TNRC6B: variants seen among roughly 807,000 people sequenced by gnomAD.
TNRC6B encodes the protein trinucleotide repeat-containing gene 6B protein.
In TNRC6B, 52 loss-of-function variants were observed where a neutral mutation model predicts 203.6. The observed-to-expected ratio is 0.26, with a 90% CI of 0.20 to 0.32. The LOEUF (loss-of-function observed/expected upper bound fraction) is 0.32, where lower values mean the gene tolerates loss of function less well. Ranked by LOEUF, TNRC6B falls within the 10% of genes least tolerant of loss-of-function variation. The pLI, the probability that TNRC6B is intolerant of heterozygous loss-of-function variation, is 1.00. For missense variants in TNRC6B, 1,923 were observed against 2,286.2 expected (o/e 0.84, Z 3.24); for synonymous variants, 838 against 845.7 (o/e 0.99, Z 0.16).
chr22:40,176,677 A>G (rs2069065031), upstream of TNRC6B, among the ~76,000 whole-genome samples: 1 of 152,100 alleles, frequency 6.6e-6, no homozygotes, highest in Non-Finnish European at 1.5e-5. Flanking sequence ...GTTTTTCCTT[A>G]TACAGTTTAC....
chr22:40,281,938 A>G (rs2070725689), intron 11 of TNRC6B, among the ~76,000 whole-genome samples: 1 of 152,132 alleles, frequency 6.6e-6, no homozygotes, highest in Admixed American at 6.5e-5. Context: ...ATGCCTCCTC[A>G]CCTTGCCAGG....
At chr22:40,232,388 C>T (rs891996535) in intron 1 of TNRC6B, among the ~76,000 whole-genome samples, 4 of 152,186 alleles carry the variant, frequency 2.6e-5, no homozygotes, top group Non-Finnish European at 1.5e-5. Context: ...AAAAGTGTTT[C>T]AGGGATGCAT....
At chr22:40,176,333 G>A (rs951933541), upstream of TNRC6B, among the ~76,000 whole-genome samples, 2 of 152,090 alleles carry the variant, frequency 1.3e-5, no homozygotes, top group Middle Eastern at 3.4e-3. Flanking sequence ...CTCCATGCTG[G>A]TCAGGCTGGT....
intron 12 of TNRC6B, among the ~76,000 whole-genome samples, chr22:40,296,624 G>A (rs978520353): frequency 4.1e-5 from 6 of 146,886 alleles, no homozygotes; most frequent in Non-Finnish European, 6.0e-5. Context: ...GAGCCACCGC[G>A]CCCGGCCTTT....
chr22:40,207,502 G>A (rs1445192063), intron 1 of TNRC6B, among the ~76,000 whole-genome samples: 1 of 150,064 alleles, frequency 6.7e-6, no homozygotes. Flanking sequence ...ATTATATCAT[G>A]ATAAGAACTT....
chr22:40,118,389 A>G, intron 2 of TNRC6B, among the ~76,000 whole-genome samples: 1 of 152,174 alleles, frequency 6.6e-6, no homozygotes, highest in East Asian at 1.9e-4. Flanking sequence ...GCACAGCTTT[A>G]TGGATGAAAA....
At chr22:40,072,836 C>T (rs1236008817) in intron 1 of TNRC6B, among the ~76,000 whole-genome samples, 1 of 134,516 alleles carries the variant, frequency 7.4e-6, no homozygotes, top group Non-Finnish European at 1.5e-5. Context: ...TGCATTCCAG[C>T]CTGGGCAACA....
chr22:40,227,193 G>A (rs1440392732), intron 1 of TNRC6B, among the ~76,000 whole-genome samples: 1 of 148,240 alleles, frequency 6.7e-6, no homozygotes, highest in African/African-American at 2.5e-5. Flanking sequence ...TGATCCACTT[G>A]CCTCAGCCTC....
At position 40,328,194 on chromosome 22, in the gene TNRC6B, TCCAAA is replaced by T. The variant is rs2146589755; in HGVS notation, c.*4959_*4963del. 6.6e-6 allele frequency: 1 copy of T among 152,356 alleles called. No homozygotes were observed. The highest frequency in any genetic ancestry group is 1.9e-4 in the East Asian group (1 of 5,188). 9.4% of individuals were successfully genotyped at this position (152,356 alleles called of 1,614,324 possible). ...ACTTAGCAGTGTTGCAAGTTAAGGTTCCAAACCAAATTATTTAATCAGTGTCCCCC... is the reference window on the plus strand; with the variant it reads ...ACTTAGCAGTGTTGCAAGTTAAGGTTCCAAATTATTTAATCAGTGTCCCCC... On this transcript the variant is annotated 3_prime_UTR_variant, in exon 23 of 23. Transcript: ENST00000454349.
At chr22:40,221,108 A>G (rs994840488) in intron 1 of TNRC6B, among the ~76,000 whole-genome samples, 1 of 152,108 alleles carries the variant, frequency 6.6e-6, no homozygotes, top group Non-Finnish European at 1.5e-5. Context: ...CGATACCTGT[A>G]GCATTCCTTC....
chr22:40,243,493 A>T (rs2070060546), intron 1 of TNRC6B, among the ~76,000 whole-genome samples: 1 of 152,194 alleles, frequency 6.6e-6, no homozygotes, highest in Non-Finnish European at 1.5e-5. Flanking sequence ...ATTTCCCTTA[A>T]TTGCCTGTTT....
intron 4 of TNRC6B, among the ~76,000 whole-genome samples, chr22:40,166,719 AC>A (rs552770326): frequency 5.2e-4 from 79 of 151,562 alleles, no homozygotes; most frequent in African/African-American, 1.8e-3. Flanking sequence ...ACATGGTGAA[AC>A]CCCGTCTCTA....
intron 4 of TNRC6B, 44 bp from the exon 5 acceptor site, chr22:40,264,644 G>T: frequency 6.5e-7 from 1 of 1,532,124 alleles, no homozygotes; most frequent in Non-Finnish European, 8.8e-7. Flanking sequence ...AATGGGTAAT[G>T]AATGCATTTG....
chr22:40,150,313 G>T (rs1029132527), intron 3 of TNRC6B, among the ~76,000 whole-genome samples: 7 of 152,210 alleles, frequency 4.6e-5, no homozygotes, highest in African/African-American at 1.4e-4. Context: ...GGAAGGCAGA[G>T]CTTGCAGTGG....
chr22:40,179,235 C>G (rs2069103184), intron 1 of TNRC6B, among the ~76,000 whole-genome samples: 1 of 152,164 alleles, frequency 6.6e-6, no homozygotes, highest in Admixed American at 6.5e-5. Context: ...AACTTGCTTT[C>G]TCAGAGCCTC....
chr22:40,130,675 CGGG>C (rs2068533647), intron 3 of TNRC6B, among the ~76,000 whole-genome samples: 1 of 138,508 alleles, frequency 7.2e-6, no homozygotes, highest in African/African-American at 2.9e-5. Flanking sequence ...TAGTCCCCCG[CGGG>C]AGGCTGAGGC....
At chr22:40,230,808 A>T (rs1413211598) in intron 1 of TNRC6B, among the ~76,000 whole-genome samples, 1 of 151,992 alleles carries the variant, frequency 6.6e-6, no homozygotes, top group African/African-American at 2.4e-5. Context: ...CAAAAAAATA[A>T]TTTTTCTAAC....
chr22:40,222,601 T>C (rs1396833279), intron 1 of TNRC6B, among the ~76,000 whole-genome samples: 1 of 152,192 alleles, frequency 6.6e-6, no homozygotes, highest in Non-Finnish European at 1.5e-5. Context: ...TATCTTCTTT[T>C]TACTTAAAGT....
At chr22:40,168,030 T>C (rs1480032730) in intron 4 of TNRC6B, among the ~76,000 whole-genome samples, 2 of 152,200 alleles carry the variant, frequency 1.3e-5, no homozygotes, top group Non-Finnish European at 2.9e-5. Flanking sequence ...GTCCTATCTA[T>C]CTGTTGAAAC....
Sources: allele counts gnomAD v4.1 joint callset (sites outside exome capture counted in the v4.1 genomes callset), GRCh38; gene constraint gnomAD v4.1.1; transcripts MANE v1.5; gene names NCBI Gene and HGNC (gene_info 2026-07-23, HGNC 2026-07-21).